The following HBS1L variants were observed in gnomAD, a reference collection of about 807,000 sequenced individuals.
HBS1L encodes HBS1 like translational GTPase, also known as HBS1-like protein.
Under a neutral mutation model 88.9 loss-of-function variants are expected in HBS1L, and 55 were observed. The observed-to-expected ratio is 0.62, with a 90% CI of 0.50 to 0.77. The LOEUF is 0.77. HBS1L is among the 30% of genes least tolerant of loss of function. HBS1L has a pLI of 0.00. For missense variants in HBS1L, 741 were observed against 829.3 expected (o/e 0.89, Z 1.31); for synonymous variants, 267 against 288.5 (o/e 0.93, Z 0.76).
At chr6:135,008,278 C>G (rs1413727292) in intron 4 of HBS1L, among the ~76,000 whole-genome samples, 1 of 152,178 alleles carries the variant, frequency 6.6e-6, no homozygotes, top group Admixed American at 6.5e-5. Context: ...ATAATAGCCA[C>G]CCAGCTGAAG....
intron 4 of HBS1L, among the ~76,000 whole-genome samples, chr6:135,003,822 A>G (rs2114818906): frequency 6.6e-6 from 1 of 152,194 alleles, no homozygotes; most frequent in East Asian, 1.9e-4. Context: ...CCAATATTGC[A>G]CCACTGCACT....
intron 2 of HBS1L, among the ~76,000 whole-genome samples, chr6:135,043,630 G>A (rs1328680837): frequency 6.6e-6 from 1 of 152,194 alleles, no homozygotes; most frequent in Admixed American, 6.6e-5. Flanking sequence ...AGCCAAATGA[G>A]TAATACCAGA....
In HBS1L at chr6:134,982,496, A is replaced by AGTCG. The variant is rs1199932193; in HGVS notation, c.1555_1558dup (p.Leu520ProfsTer8). The AGTCG allele has an allele frequency of 6.2e-7, 1 of 1,611,246 alleles. No homozygotes were observed. The highest frequency in any genetic ancestry group is 8.5e-7 in the Non-Finnish European group (1 of 1,177,874). On this transcript the variant is annotated frameshift_variant, in exon 13 of 18. Coordinates refer to ENST00000367837, the MANE Select transcript of HBS1L (RefSeq NM_006620.4). LOFTEE classifies it high-confidence loss of function. ...AGTTTCATTAGGAGGCATTGCCAGT[A>AGTCG]GTCGGTCACCAGTTTGGATATAACC...
intron 16 of HBS1L, 108 bp from the exon 17 acceptor site, chr6:134,966,581 TCTTTC>T: frequency 2.9e-6 from 2 of 687,176 alleles, no homozygotes; most frequent in Non-Finnish European, 4.5e-6. Flanking sequence ...ATCAACTGAG[TCTTTC>T]AAAAACAAGA....
At chr6:134,989,099 T>C (rs1318925250) in intron 8 of HBS1L, among the ~76,000 whole-genome samples, 1 of 152,232 alleles carries the variant, frequency 6.6e-6, no homozygotes, top group African/African-American at 2.4e-5. Context: ...AAACTAACTT[T>C]ACAGGTTCCC....
chr6:135,032,118 C>T (rs1776403836), intron 4 of HBS1L, among the ~76,000 whole-genome samples: 2 of 151,872 alleles, frequency 1.3e-5, no homozygotes, highest in Non-Finnish European at 2.9e-5. Context: ...ATTCTAAATG[C>T]TAAATACCTT....
chr6:135,014,913 T>C (rs1775878579), intron 4 of HBS1L, among the ~76,000 whole-genome samples: 1 of 150,390 alleles, frequency 6.6e-6, no homozygotes, highest in East Asian at 2.0e-4. Context: ...TACACGCCTG[T>C]AGTCCTAGGT....
intron 16 of HBS1L, among the ~76,000 whole-genome samples, chr6:134,967,540 G>A (rs1461297335): frequency 6.6e-6 from 1 of 152,140 alleles, no homozygotes; most frequent in Non-Finnish European, 1.5e-5. Context: ...CAAAATAAAA[G>A]GATAAAGCTA....
At chr6:134,996,970 C>A (rs1775306258) in intron 6 of HBS1L, 28 bp from the exon 7 acceptor site, 2 of 1,509,822 alleles carry the variant, frequency 1.3e-6, no homozygotes, top group African/African-American at 1.4e-5. Flanking sequence ...AGGATTAATA[C>A]CAGGTACATT....
At chr6:135,050,956 G>A (rs1379702966) in intron 1 of HBS1L, among the ~76,000 whole-genome samples, 6 of 152,192 alleles carry the variant, frequency 3.9e-5, no homozygotes, top group African/African-American at 7.2e-5. Flanking sequence ...GGCCAGGCAC[G>A]GTGGCTTACG....
intron 12 of HBS1L, among the ~76,000 whole-genome samples, chr6:134,985,075 A>C (rs1031604064): frequency 6.6e-6 from 1 of 152,160 alleles, no homozygotes; most frequent in South Asian, 2.1e-4. Flanking sequence ...AGAAAAAAAA[A>C]CTATAAAGTT....
intron 4 of HBS1L, chr6:135,037,866 T>A (rs753980848): frequency 1.5e-5 from 23 of 1,549,364 alleles, no homozygotes; most frequent in Admixed American, 3.9e-5. Flanking sequence ...TTCTATGGAG[T>A]AAACAGTGAG....
chr6:135,052,876 G>A (rs889976884), intron 1 of HBS1L, among the ~76,000 whole-genome samples: 4 of 152,128 alleles, frequency 2.6e-5, no homozygotes, highest in Non-Finnish European at 5.9e-5. Flanking sequence ...GTTAAGTAGC[G>A]GAACCAGTAG....
At chr6:134,969,163 T>C (rs1372019584) in intron 16 of HBS1L, 75 bp downstream of exon 16, 3 of 942,660 alleles carry the variant, frequency 3.2e-6, no homozygotes, top group Non-Finnish European at 5.2e-6. Context: ...CAAAGAGAAA[T>C]ACTACACAAA....
Position 134,993,776 on chromosome 6 carries a change from C to A in HBS1L, c.1065G>T (p.Met355Ile). 6.3e-7 allele frequency: 1 copy of A among 1,580,116 alleles called. No homozygotes were observed. Among genetic ancestry groups the A allele is most frequent in the South Asian group, 1.2e-5 (1 of 86,174 alleles). Residue 355 changes from methionine to isoleucine, a missense_variant, in exon 8 of 18, where the codon ATG becomes ATT. By Grantham distance (10) the Met-to-Ile change is conservative. Coordinates refer to ENST00000367837, the MANE Select transcript of HBS1L (RefSeq NM_006620.4). ...APGHKDFIPNMITGAAQADVA... is the reference protein window; with the variant it reads ...APGHKDFIPNIITGAAQADVA... ...CAGTTACCTGGGCTGCTCCTGTAAT[C>A]ATATTTGGAATGAAGTCCTTATGGC...
In HBS1L at chr6:134,987,701, A is replaced by G. The variant is rs1775017478; in HGVS notation, c.1174T>C (p.Leu392=). ...TGGQTREHGL[L]VRSLGVTQLA... ...TGCGTCACTCCCAGAGAACGGACCA[A>G]GAGTCCATGCTCTCGTGTTTGTCCT... The change falls in exon 9 of 18, where the codon TTG becomes CTG. Residue 392 remains leucine, a synonymous_variant. Coordinates refer to ENST00000367837, the MANE Select transcript of HBS1L (RefSeq NM_006620.4). 6.2e-7 allele frequency: 1 copy of G among 1,610,274 alleles called. No homozygotes were observed. The highest frequency in any genetic ancestry group is 1.3e-5 in the African/African-American group (1 of 74,730).
chr6:134,973,665 A>G (rs948821983), intron 15 of HBS1L, among the ~76,000 whole-genome samples: 22 of 152,220 alleles, frequency 1.4e-4, no homozygotes, highest in Middle Eastern at 3.4e-3. Flanking sequence ...AAAATAAAAC[A>G]AATTAGCCAG....
chr6:134,979,519 T>C (rs979061170), intron 13 of HBS1L: 2 of 383,112 alleles, frequency 5.2e-6, no homozygotes, highest in Non-Finnish European at 9.6e-6. Flanking sequence ...TCTGCTTATT[T>C]AATCAAGATT....
chr6:135,009,927 G>A lies in HBS1L; in HGVS notation c.431-7085C>T, dbSNP rs554588214. ...TTACAGGCATGAACCACCGTGCCCG[G>A]CCTAAATATTCTTTGGAAGGATAAT... On this transcript the variant is annotated intron_variant, in intron 4 of 17. Transcript: ENST00000367837. Among the ~76,000 whole-genome samples, 576 of 152,148 alleles carry A rather than the reference G, an allele frequency of 3.8e-3. 3 individuals carry two copies. Among genetic ancestry groups the A allele is most frequent in the African/African-American group, 0.012 (515 of 41,514 alleles).
Sources: gnomAD v4.1 joint callset for allele counts (sites outside exome capture counted in the v4.1 genomes callset) on GRCh38, gnomAD v4.1.1 for gene constraint, MANE v1.5 for transcripts, NCBI Gene and HGNC (gene_info 2026-07-23, HGNC 2026-07-21) for gene names.